FGF12: variants seen among roughly 807,000 people sequenced by gnomAD.
FGF12 encodes the protein fibroblast growth factor 12B.
Under a neutral mutation model 23.6 loss-of-function variants are expected in FGF12, and 14 were observed. The observed-to-expected ratio is 0.59, with a 90% CI of 0.39 to 0.93. The LOEUF (loss-of-function observed/expected upper bound fraction) is 0.93, where lower values mean the gene tolerates loss of function less well. FGF12 is among the 40% of genes least tolerant of loss of function. The pLI is 0.00. For missense variants in FGF12, 175 were observed against 217.8 expected, an observed-to-expected ratio of 0.80 and a Z score of 1.24; for synonymous variants, 62 against 77.3, an observed-to-expected ratio of 0.80 and a Z score of 1.04.
At chr3:192,631,139 G>A (rs1250597065) in intron 2 of FGF12, among the ~76,000 whole-genome samples, 1 of 152,072 alleles carries the variant, frequency 6.6e-6, no homozygotes, top group Non-Finnish European at 1.5e-5. Flanking sequence ...TTGTTCTTAT[G>A]AGAAGGATCT....
At chr3:192,568,347 G>A (rs1197070077) in intron 2 of FGF12, among the ~76,000 whole-genome samples, 1 of 152,276 alleles carries the variant, frequency 6.6e-6, no homozygotes, top group African/African-American at 2.4e-5. Flanking sequence ...TCCTGCCAGT[G>A]GGGAGCTCAT....
At chr3:192,308,741 AAG>A (rs1419824567) in intron 4 of FGF12, among the ~76,000 whole-genome samples, 3 of 152,086 alleles carry the variant, frequency 2.0e-5, no homozygotes, top group Non-Finnish European at 4.4e-5. Flanking sequence ...CAAACCAAAT[AAG>A]GTCCTTTAAA....
chr3:192,407,025 C>T (rs1720981404), intron 2 of FGF12, among the ~76,000 whole-genome samples: 2 of 152,184 alleles, frequency 1.3e-5, no homozygotes, highest in South Asian at 4.1e-4. Flanking sequence ...ACCCAGAAAA[C>T]CAACAGTCTG....
chr3:192,506,583 G>A (rs1724307563), intron 2 of FGF12, among the ~76,000 whole-genome samples: 1 of 152,078 alleles, frequency 6.6e-6, no homozygotes, highest in Non-Finnish European at 1.5e-5. Context: ...CGTTGGCCAG[G>A]CTGGTCCTGA....
chr3:192,192,558 C>T (rs1313186789), intron 4 of FGF12, among the ~76,000 whole-genome samples: 1 of 150,348 alleles, frequency 6.7e-6, no homozygotes, highest in African/African-American at 2.4e-5. Context: ...CAGATCTTCG[C>T]ACTTGAAACA....
chr3:192,484,094 G>C (rs1723556349), intron 2 of FGF12, among the ~76,000 whole-genome samples: 1 of 152,070 alleles, frequency 6.6e-6, no homozygotes, highest in Non-Finnish European at 1.5e-5. Flanking sequence ...ATGAAGACTA[G>C]CCACAGAGGC....
At chr3:192,219,987 C>T (rs1283491461) in intron 4 of FGF12, among the ~76,000 whole-genome samples, 2 of 152,128 alleles carry the variant, frequency 1.3e-5, no homozygotes, top group African/African-American at 4.8e-5. Context: ...GCATTGTTTT[C>T]TTTTCCAGTG....
intron 4 of FGF12, among the ~76,000 whole-genome samples, chr3:192,326,540 A>G (rs572469719): frequency 1.3e-5 from 2 of 152,212 alleles, no homozygotes; most frequent in South Asian, 2.1e-4. Context: ...TCATCTCACA[A>G]TCTTAACATT....
chr3:192,396,803 C>G (rs1254371511), intron 2 of FGF12, among the ~76,000 whole-genome samples: 1 of 152,148 alleles, frequency 6.6e-6, no homozygotes, highest in Non-Finnish European at 1.5e-5. Context: ...GCTCTTCAGC[C>G]CTAACAGGTG....
chr3:192,708,244 C>G lies in FGF12; in HGVS notation c.13+18937G>C, dbSNP rs532513528. On this transcript the variant is annotated intron_variant, in intron 2 of 5. Coordinates refer to ENST00000445105, the MANE Select transcript of FGF12 (RefSeq NM_004113.6). Reference sequence around the variant, plus strand: ...AAAGTGCTGGGATTACAGGTGTGAACTGCCTTGTCCAGCCAATAGGATCCG... The same window carrying G: ...AAAGTGCTGGGATTACAGGTGTGAAGTGCCTTGTCCAGCCAATAGGATCCG... 1.8e-3 allele frequency among the ~76,000 whole-genome samples: 272 copies of G among 152,248 alleles called. 1 individual carries two copies. Among genetic ancestry groups the G allele is most frequent in the Non-Finnish European group, 2.9e-3 (197 of 68,028 alleles).
Position 192,360,305 on chromosome 3 carries a change from C to G in FGF12, c.124+123G>C, listed in dbSNP as rs1391086454. 1.5e-6 allele frequency: 1 copy of G among 670,662 alleles called. No individual in the cohort carries two copies. The highest frequency in any genetic ancestry group is 1.8e-5 in the African/African-American group (1 of 55,580). The allele number at this position is 670,662 out of a possible 1,614,324, so 41.5% of individuals were successfully genotyped here. ...GGATAAAGGAAAAGACACTAGCTTA[C>G]TAATAGTTAAATAGTTTGAAAGGCA... On this transcript the variant is annotated intron_variant, in intron 3 of 5. Coordinates refer to ENST00000445105, the MANE Select transcript of FGF12 (RefSeq NM_004113.6). The surrounding 1 kb of genome is among the most constrained non-coding windows in gnomAD (Gnocchi z 4.3).
chr3:192,630,457 T>C (rs1000375292), intron 2 of FGF12, among the ~76,000 whole-genome samples: 2 of 151,642 alleles, frequency 1.3e-5, no homozygotes, highest in African/African-American at 4.8e-5. Context: ...TTACCCAGGG[T>C]CATGCCCCTG....
In FGF12 at chr3:192,617,651, C is replaced by T. The variant is rs1714812899; in HGVS notation, c.13+109530G>A. On this transcript the variant is annotated intron_variant, in intron 2 of 5. Coordinates refer to ENST00000445105, the MANE Select transcript of FGF12 (RefSeq NM_004113.6). ...TGAGGCTCTTATTAAAATGCTGATC[C>T]AATTCAGTGGGTCTGAGGTGGGACC... Among the ~76,000 whole-genome samples the T allele has an allele frequency of 2.0e-5, 3 of 152,202 alleles. No individual in the cohort carries two copies. In the South Asian group the frequency reaches 6.2e-4, roughly 32 times the overall value.
At chr3:192,321,511 AC>A (rs759248715) in intron 4 of FGF12, among the ~76,000 whole-genome samples, 23 of 150,672 alleles carry the variant, frequency 1.5e-4, no homozygotes, top group Non-Finnish European at 2.2e-4. Context: ...AAAAAAAAAA[AC>A]CACACAAAAA....
At chr3:192,687,106 G>C (rs1424381078) in intron 2 of FGF12, among the ~76,000 whole-genome samples, 1 of 150,802 alleles carries the variant, frequency 6.6e-6, no homozygotes. Flanking sequence ...TGGGATTACA[G>C]GTGTGAGTCA....
rs535970470 is a variant in FGF12 at position 192,179,945 on chromosome 3, A to T, written c.229-9289T>A. Among the ~76,000 whole-genome samples the T allele has an allele frequency of 8.3e-4, 126 of 152,242 alleles. 1 individual carries two copies. The highest frequency in any genetic ancestry group is 3.4e-3 in the Middle Eastern group (1 of 294). On this transcript the variant is annotated intron_variant, in intron 4 of 5. Transcript: ENST00000445105. ...CTCCTGGTTACAATTTCAGGGGAAA[A>T]CTGATATCACAAATGAGAATGCAGT...
intron 2 of FGF12, among the ~76,000 whole-genome samples, chr3:192,669,833 G>A (rs1231791629): frequency 6.6e-6 from 1 of 152,060 alleles, no homozygotes; most frequent in Non-Finnish European, 1.5e-5. Context: ...AGAGCTGCAT[G>A]ACTCAGTGAA....
intron 4 of FGF12, among the ~76,000 whole-genome samples, chr3:192,236,799 T>C (rs1053712573): frequency 1.3e-5 from 2 of 152,190 alleles, no homozygotes; most frequent in Non-Finnish European, 1.5e-5. Flanking sequence ...TGACACTCTG[T>C]GTCTTTTAAG....
intron 2 of FGF12, among the ~76,000 whole-genome samples, chr3:192,378,026 T>TTTTCTTTCTTTCTTTCTTTTTTCTTTC (rs1719607756): frequency 1.4e-5 from 1 of 69,442 alleles, no homozygotes; most frequent in South Asian, 4.4e-4. Flanking sequence ...TGACTCTTTC[T>TTTTCTTTCTTTCTTTCTTTTTTCTTTC]TTTCTTTCTT....
Sources: allele counts gnomAD v4.1 joint callset (sites outside exome capture counted in the v4.1 genomes callset), GRCh38; gene constraint gnomAD v4.1.1; non-coding constraint Gnocchi (gnomAD v3.1); transcripts MANE v1.5; gene names NCBI Gene and HGNC (gene_info 2026-07-23, HGNC 2026-07-21).